The following TSPAN18 variants were observed in gnomAD, a reference collection of about 807,000 sequenced individuals.
The protein encoded by TSPAN18 is tetraspanin 18.
A neutral mutation model predicts 27.3 loss-of-function variants in TSPAN18; 14 were observed. That is an observed-to-expected ratio of 0.51 (90% CI 0.34 to 0.80). The LOEUF is 0.80. TSPAN18 is among the 30% of genes least tolerant of loss of function. The pLI is 0.01. For synonymous variants in TSPAN18, 143 were observed against 136.5 expected (o/e 1.05, Z -0.33); for missense variants, 268 against 323.9 (o/e 0.83, Z 1.32).
intron 2 of TSPAN18, among the ~76,000 whole-genome samples, chr11:44,788,358 C>A (rs1856109432): frequency 6.6e-6 from 1 of 151,946 alleles, no homozygotes; most frequent in African/African-American, 2.4e-5. Context: ...GAGGGACTAG[C>A]TTTTCAATTT....
intron 3 of TSPAN18, among the ~76,000 whole-genome samples, chr11:44,881,338 A>G: frequency 6.6e-6 from 1 of 151,798 alleles, no homozygotes; most frequent in Non-Finnish European, 1.5e-5. Context: ...CAGACCCCAG[A>G]CCCCTCGAAC....
At chr11:44,828,505 A>G (rs1857090462) in intron 2 of TSPAN18, among the ~76,000 whole-genome samples, 1 of 152,172 alleles carries the variant, frequency 6.6e-6, no homozygotes. Flanking sequence ...CCACAAGGCC[A>G]TAAGCACTGC....
intron 2 of TSPAN18, among the ~76,000 whole-genome samples, chr11:44,770,485 G>T (rs76472424): frequency 0.018 from 2,755 of 152,178 alleles, 38 homozygotes; most frequent in Non-Finnish European, 0.028. Flanking sequence ...GGATGCTGGG[G>T]TGCTACACCC....
intron 2 of TSPAN18, among the ~76,000 whole-genome samples, chr11:44,779,196 A>G (rs1317628086): frequency 6.6e-6 from 1 of 151,970 alleles, no homozygotes; most frequent in African/African-American, 2.4e-5. Flanking sequence ...TTCCTCCTCA[A>G]CCATTCCTCC....
At position 44,897,680 on chromosome 11, in the gene TSPAN18, A is replaced by T. The variant is rs78876477; in HGVS notation, c.-10-8727A>T. The T allele has an allele frequency of 9.2e-4, 977 of 1,061,328 alleles. 8 individuals are homozygous for T. The African/African-American group carries it at 0.015, about 16-fold the overall frequency. The allele number at this position is 1,061,328 out of a possible 1,614,324, so 65.7% of individuals were successfully genotyped here. On this transcript the variant is annotated intron_variant, in intron 3 of 9. Coordinates refer to ENST00000520358, the MANE Select transcript of TSPAN18 (RefSeq NM_130783.5). Reference sequence around the variant, plus strand: ...TGTATCTGGAGGGCGGGTTTTCATAAACAGCTCCTTTCATGGGGCTGCTCT... The same window carrying T: ...TGTATCTGGAGGGCGGGTTTTCATATACAGCTCCTTTCATGGGGCTGCTCT...
At chr11:44,843,441 C>T (rs781708865) in intron 2 of TSPAN18, among the ~76,000 whole-genome samples, 23 of 152,226 alleles carry the variant, frequency 1.5e-4, no homozygotes, top group Admixed American at 6.5e-4. Context: ...GGAGGCAGGG[C>T]GAGATCACAA....
At chr11:44,865,784 G>T (rs1858019856) in intron 3 of TSPAN18, among the ~76,000 whole-genome samples, 1 of 152,200 alleles carries the variant, frequency 6.6e-6, no homozygotes, top group South Asian at 2.1e-4. Flanking sequence ...AAGTCCTGAG[G>T]CTGGTGCCAA....
chr11:44,780,910 G>A (rs1226798789), intron 2 of TSPAN18, among the ~76,000 whole-genome samples: 1 of 152,256 alleles, frequency 6.6e-6, no homozygotes, highest in Admixed American at 6.5e-5. Flanking sequence ...TGGGGACCCT[G>A]GGAAACAGTT....
chr11:44,830,178 C>A (rs1017139999), intron 2 of TSPAN18, among the ~76,000 whole-genome samples: 1 of 152,210 alleles, frequency 6.6e-6, no homozygotes, highest in Non-Finnish European at 1.5e-5. Context: ...CTGCTTGGAG[C>A]TCTTGTCCAG....
intron 3 of TSPAN18, among the ~76,000 whole-genome samples, chr11:44,861,440 C>T (rs1674941241): frequency 1.5e-5 from 1 of 64,580 alleles, no homozygotes; most frequent in East Asian, 5.2e-4. Context: ...GCTGTGGGGA[C>T]TGGTCGGTGC....
At chr11:44,854,200 T>TGG (rs397848626) in intron 2 of TSPAN18, among the ~76,000 whole-genome samples, 1,306 of 76,724 alleles carry the variant, frequency 0.017, 27 homozygotes, top group African/African-American at 0.037. Flanking sequence ...GGGCAGGGGG[T>TGG]GGGGGGGGGG....
chr11:44,856,826 C>G (rs545396377), intron 2 of TSPAN18, among the ~76,000 whole-genome samples: 4 of 152,278 alleles, frequency 2.6e-5, no homozygotes, highest in Admixed American at 2.6e-4. Context: ...TTCAACAGCT[C>G]TTCCTCCCTC....
At chr11:44,922,906 C>T (rs995775838) in intron 8 of TSPAN18, among the ~76,000 whole-genome samples, 1 of 152,060 alleles carries the variant, frequency 6.6e-6, no homozygotes, top group Non-Finnish European at 1.5e-5. Flanking sequence ...GTCAGGAGTT[C>T]GAGACCAGCC....
intron 2 of TSPAN18, among the ~76,000 whole-genome samples, chr11:44,830,012 T>A (rs1233355885): frequency 6.6e-6 from 1 of 152,228 alleles, no homozygotes; most frequent in Non-Finnish European, 1.5e-5. Flanking sequence ...GCTCCTTCTG[T>A]GGTCTGAAGG....
chr11:44,823,330 A>G (rs1449367463), intron 2 of TSPAN18, among the ~76,000 whole-genome samples: 1 of 152,182 alleles, frequency 6.6e-6, no homozygotes, highest in African/African-American at 2.4e-5. Flanking sequence ...ATGGGTGGAG[A>G]AGAATTTTAT....
chr11:44,771,485 T>A (rs1481097098), intron 2 of TSPAN18, among the ~76,000 whole-genome samples: 1 of 152,236 alleles, frequency 6.6e-6, no homozygotes, highest in African/African-American at 2.4e-5. Flanking sequence ...TGTTGATGCC[T>A]GACATAAAAT....
At chr11:44,918,196 C>T in intron 6 of TSPAN18, 150 bp downstream of exon 6, 1 of 782,556 alleles carries the variant, frequency 1.3e-6, no homozygotes, top group Non-Finnish European at 2.1e-6. Context: ...CCCCACCCGC[C>T]TGGCAAGGCC....
intron 2 of TSPAN18, among the ~76,000 whole-genome samples, chr11:44,780,872 A>C (rs1408772505): frequency 5.3e-5 from 8 of 152,230 alleles, no homozygotes; most frequent in Non-Finnish European, 1.2e-4. Flanking sequence ...ACAGGGCCCC[A>C]CAACTTGCCA....
chr11:44,847,260 C>G (rs544509411), intron 2 of TSPAN18, among the ~76,000 whole-genome samples: 1 of 152,336 alleles, frequency 6.6e-6, no homozygotes, highest in East Asian at 1.9e-4. Context: ...AAGCACAGGA[C>G]AGTGGCCAAG....
Sources: allele counts gnomAD v4.1 joint callset (sites outside exome capture counted in the v4.1 genomes callset), GRCh38; gene constraint gnomAD v4.1.1; transcripts MANE v1.5; gene names NCBI Gene and HGNC (gene_info 2026-07-23, HGNC 2026-07-21).